Variants in COL25A1 observed in about 807,000 individuals in gnomAD.
COL25A1 encodes the protein collagen alpha-1(XXV) chain.
Under a neutral mutation model 128.4 loss-of-function variants are expected in COL25A1, and 103 were observed. The observed-to-expected ratio is 0.80, with a 90% CI of 0.68 to 0.94. The LOEUF is 0.94. Ranked by LOEUF, COL25A1 falls within the 40% of genes least tolerant of loss-of-function variation. The pLI, the probability that COL25A1 is intolerant of heterozygous loss-of-function variation, is 0.00. For missense variants in COL25A1, 745 were observed against 840.0 expected, an observed-to-expected ratio of 0.89 and a Z score of 1.40; for synonymous variants, 279 against 277.2, an observed-to-expected ratio of 1.01 and a Z score of -0.06.
chr4:109,292,348 T>C (rs538701193), intron 3 of COL25A1, among the ~76,000 whole-genome samples: 2 of 152,226 alleles, frequency 1.3e-5, no homozygotes, highest in East Asian at 3.9e-4. Context: ...TTAGTTTTAA[T>C]ATGTTATGGC....
intron 33 of COL25A1, 133 bp from the exon 34 acceptor site, chr4:108,825,355 T>C (rs1299260752): frequency 1.3e-6 from 1 of 743,642 alleles, no homozygotes; most frequent in Admixed American, 2.1e-5. Flanking sequence ...AAGATTCTCA[T>C]TTGGATTAGT....
At chr4:109,191,017 T>C (rs1011008718) in intron 3 of COL25A1, among the ~76,000 whole-genome samples, 7 of 152,168 alleles carry the variant, frequency 4.6e-5, no homozygotes, top group Non-Finnish European at 8.8e-5. Context: ...TGGTCTATAG[T>C]CATGTTACTT....
intron 3 of COL25A1, among the ~76,000 whole-genome samples, chr4:109,167,756 GAAGAA>G (rs1773208961): frequency 6.6e-6 from 1 of 152,070 alleles, no homozygotes; most frequent in Non-Finnish European, 1.5e-5. Context: ...TTACAGTCTA[GAAGAA>G]AAGACTAGCA....
intron 3 of COL25A1, among the ~76,000 whole-genome samples, chr4:109,108,274 T>C (rs901548133): frequency 6.6e-6 from 1 of 152,170 alleles, no homozygotes; most frequent in Non-Finnish European, 1.5e-5. Context: ...AGTGAGAATA[T>C]GCGGTGTTTG....
At chr4:108,924,239 C>CA (rs1303681780) in intron 11 of COL25A1, among the ~76,000 whole-genome samples, 1 of 152,136 alleles carries the variant, frequency 6.6e-6, no homozygotes, top group African/African-American at 2.4e-5. Flanking sequence ...CACTAATCTG[C>CA]ATATAAACCT....
intron 3 of COL25A1, among the ~76,000 whole-genome samples, chr4:109,117,470 T>G (rs903908545): frequency 6.6e-6 from 1 of 151,908 alleles, no homozygotes; most frequent in Non-Finnish European, 1.5e-5. Flanking sequence ...TTGAGAGAAT[T>G]TGCTGCCAGT....
At chr4:108,898,814 G>C (rs1320740045) in intron 15 of COL25A1, among the ~76,000 whole-genome samples, 1 of 152,044 alleles carries the variant, frequency 6.6e-6, no homozygotes, top group Non-Finnish European at 1.5e-5. Flanking sequence ...GTTTAAATTT[G>C]CTCCCTTTCT....
rs76845654 is a variant in COL25A1 at position 108,908,575 on chromosome 4, G to A, written c.781-7403C>T. Among the ~76,000 whole-genome samples, 599 of 152,218 alleles carry A rather than the reference G, an allele frequency of 3.9e-3. 34 individuals carry two copies. The East Asian group carries it at 0.1, about 25-fold the overall frequency. ...ATCAGAGAACTGGCATCCCTACTGC[G>A]TTATCTAAACAGCAAACTCCCTCCC... On this transcript the variant is annotated intron_variant, in intron 13 of 37. Coordinates refer to ENST00000399132, the MANE Select transcript of COL25A1 (RefSeq NM_198721.4).
intron 22 of COL25A1, among the ~76,000 whole-genome samples, chr4:108,862,087 T>A (rs898627105): frequency 2.6e-5 from 4 of 152,196 alleles, no homozygotes; most frequent in African/African-American, 9.6e-5. Flanking sequence ...GAGGAGAATT[T>A]CAATTGGCAG....
chr4:109,156,213 C>T (rs1396285969), intron 3 of COL25A1, among the ~76,000 whole-genome samples: 2 of 152,104 alleles, frequency 1.3e-5, no homozygotes, highest in Non-Finnish European at 1.5e-5. Context: ...TCAACTGAAA[C>T]AAAAAACTAA....
chr4:108,915,189 AATAAGTATTCAG>A (rs1448816010), intron 13 of COL25A1, among the ~76,000 whole-genome samples: 1 of 152,222 alleles, frequency 6.6e-6, no homozygotes, highest in Non-Finnish European at 1.5e-5. Flanking sequence ...CCATTACAAA[AATAAGTATTCAG>A]ATTAGCAATC....
chr4:109,195,463 G>C (rs1007268731), intron 3 of COL25A1, among the ~76,000 whole-genome samples: 2 of 152,048 alleles, frequency 1.3e-5, no homozygotes, highest in Admixed American at 1.3e-4. Context: ...ACGTGAATAG[G>C]CACTTCACAT....
chr4:109,193,659 C>A (rs1775795842), intron 3 of COL25A1, among the ~76,000 whole-genome samples: 1 of 152,120 alleles, frequency 6.6e-6, no homozygotes, highest in Non-Finnish European at 1.5e-5. Flanking sequence ...TCCTGCTGCA[C>A]CAACTTCGGT....
chr4:108,865,500 T>C (rs1737789169), intron 20 of COL25A1, among the ~76,000 whole-genome samples: 2 of 152,158 alleles, frequency 1.3e-5, no homozygotes, highest in African/African-American at 2.4e-5. Flanking sequence ...ATACAGGAGA[T>C]AGACACAATG....
intron 3 of COL25A1, among the ~76,000 whole-genome samples, chr4:109,249,442 G>GT (rs1780502733): frequency 6.6e-6 from 1 of 151,438 alleles, no homozygotes; most frequent in South Asian, 2.1e-4. Context: ...CTTGGGGTGG[G>GT]TGGGGAGGGA....
intron 3 of COL25A1, among the ~76,000 whole-genome samples, chr4:109,076,401 T>A (rs1488264907): frequency 1.3e-5 from 2 of 152,214 alleles, no homozygotes; most frequent in African/African-American, 4.8e-5. Context: ...AATGTATTAA[T>A]CAATTTATCA....
intron 8 of COL25A1, 76 bp from the exon 9 acceptor site, chr4:108,941,513 G>A (rs1748092337): frequency 9.6e-7 from 1 of 1,040,664 alleles, no homozygotes; most frequent in Non-Finnish European, 1.5e-6. Context: ...AAGGCCCCAA[G>A]AAAGAAATAA....
At chr4:109,168,850 A>G (rs2126128480) in intron 3 of COL25A1, among the ~76,000 whole-genome samples, 1 of 152,306 alleles carries the variant, frequency 6.6e-6, no homozygotes, top group Non-Finnish European at 1.5e-5. Context: ...ATCTTTTTAT[A>G]TCTCTTGATG....
chr4:109,295,356 T>C (rs565623321), intron 3 of COL25A1, among the ~76,000 whole-genome samples: 1 of 152,188 alleles, frequency 6.6e-6, no homozygotes, highest in African/African-American at 2.4e-5. Context: ...CTGAAACAAT[T>C]TAACATGGAT....
Sources: gnomAD v4.1 joint callset for allele counts (sites outside exome capture counted in the v4.1 genomes callset) on GRCh38, gnomAD v4.1.1 for gene constraint, MANE v1.5 for transcripts, NCBI Gene and HGNC (gene_info 2026-07-23, HGNC 2026-07-21) for gene names.